Variants in TRPM2 observed in about 807,000 individuals in gnomAD.
The protein encoded by TRPM2 is transient receptor potential cation channel subfamily M member 2, also known as estrogen-responsive element-associated gene 1 protein.
Under a neutral mutation model 174.0 loss-of-function variants are expected in TRPM2, and 161 were observed. The ratio of observed to expected loss-of-function variants is 0.93; its 90% CI spans 0.81 to 1.05. The LOEUF (loss-of-function observed/expected upper bound fraction) is 1.05, where lower values mean the gene tolerates loss of function less well. TRPM2 is among the 50% of genes least tolerant of loss of function. The pLI is 0.00. For synonymous variants in TRPM2, 954 were observed against 861.3 expected, an observed-to-expected ratio of 1.11 and a Z score of -1.88; for missense variants, 2,057 against 2,038.0, an observed-to-expected ratio of 1.01 and a Z score of -0.18.
At chr21:44,352,165 G>A (rs1388705226), upstream of TRPM2, among the ~76,000 whole-genome samples, 3 of 152,256 alleles carry the variant, frequency 2.0e-5, no homozygotes, top group Non-Finnish European at 2.9e-5. Flanking sequence ...TTGTGAAGCC[G>A]GGCCAGTGGC....
At position 44,401,843 on chromosome 21, in the gene TRPM2, C is replaced by G; in HGVS notation, c.2484C>G (p.Cys828Trp). ...ACTTCCAGCCTGTGCCCTCCTGGTGCGAGTGTGCCATCTACCTCTGGCTCT... is the reference window on the plus strand; with the variant it reads ...ACTTCCAGCCTGTGCCCTCCTGGTGGGAGTGTGCCATCTACCTCTGGCTCT... Reference protein sequence around the residue: ...MVDFQPVPSWCECAIYLWLFS... With the variant: ...MVDFQPVPSWWECAIYLWLFS... The change falls in exon 16 of 32, where the codon TGC (cysteine) becomes TGG (tryptophan). Residue 828 changes from cysteine to tryptophan, a missense_variant. Physicochemically the swap from Cys to Trp is radical, Grantham distance 215. Coordinates refer to ENST00000397928, the MANE Select transcript of TRPM2 (RefSeq NM_003307.4). 1 of 1,613,908 alleles carries G rather than the reference C, an allele frequency of 6.2e-7. No individual in the cohort carries two copies. The highest frequency in any genetic ancestry group is 8.5e-7 in the Non-Finnish European group (1 of 1,180,006).
At chr21:44,364,346 G>A (rs1385942152) in intron 3 of TRPM2, 64 bp downstream of exon 3, 52 of 1,571,084 alleles carry the variant, frequency 3.3e-5, no homozygotes, top group South Asian at 7.0e-5. Context: ...AGTGACACGC[G>A]GTGGTCGGCA....
In TRPM2 at chr21:44,391,485, G is replaced by A. The variant is rs372273456; in HGVS notation, c.1654G>A (p.Ala552Thr). The A allele has an allele frequency of 1.3e-5, 20 of 1,590,220 alleles. No individual in the cohort carries two copies. Among genetic ancestry groups the A allele is most frequent in the South Asian group, 6.7e-5 (6 of 89,726 alleles). ...TCCCGAGCGCCCGGCTTGCGCGCCC[G>A]CGGCGCCCCGCCTGCAGATGCACCA... ...EDPERPACAP[A>T]APRLQMHHVA... is the part of the protein sequence containing the mutation. Residue 552 changes from alanine (A) to threonine (T), a missense_variant, in exon 11 of 32, where the codon GCG (alanine) becomes ACG (threonine). Physicochemically the swap from Ala to Thr is moderately conservative, Grantham distance 58 (BLOSUM62 0). Transcript: ENST00000397928. This position sits in a 1 kb window ranked among gnomAD's most constrained non-coding sequence, Gnocchi z 5.0.
intron 8 of TRPM2, among the ~76,000 whole-genome samples, chr21:44,380,324 A>T (rs1450061492): frequency 6.6e-6 from 1 of 152,104 alleles, no homozygotes; most frequent in Non-Finnish European, 1.5e-5. Flanking sequence ...GTTTGTGAAA[A>T]CATCGTGGTC....
intron 29 of TRPM2, among the ~76,000 whole-genome samples, chr21:44,437,429 G>A (rs988782915): frequency 6.6e-5 from 10 of 152,196 alleles, no homozygotes; most frequent in African/African-American, 2.4e-4. Flanking sequence ...TCCCAGGCAT[G>A]GGCTGGGCTG....
Position 44,424,839 on chromosome 21 carries a change from C to G in TRPM2, c.3550-13C>G, listed in dbSNP as rs774897527. ...TGGCAGGTGCTCACTGTGTCTCGGGCCATGCCTTCCAGGTGGCCCAGACAG... is the reference window on the plus strand; with the variant it reads ...TGGCAGGTGCTCACTGTGTCTCGGGGCATGCCTTCCAGGTGGCCCAGACAG... On this transcript the variant is annotated splice_polypyrimidine_tract_variant and intron_variant, in intron 23 of 31. Coordinates refer to ENST00000397928, the MANE Select transcript of TRPM2 (RefSeq NM_003307.4). 1.4e-5 allele frequency: 22 copies of G among 1,573,898 alleles called. No homozygotes were observed. Among genetic ancestry groups the G allele is most frequent in the Non-Finnish European group, 1.8e-5 (21 of 1,158,682 alleles).
chr21:44,398,010 C>A, intron 13 of TRPM2, 134 bp downstream of exon 13: 1 of 1,142,490 alleles, frequency 8.8e-7, no homozygotes, highest in South Asian at 2.6e-5. Context: ...GCCCTGCACG[C>A]TTACCCTGGG....
intron 11 of TRPM2, among the ~76,000 whole-genome samples, chr21:44,394,541 G>T (rs546960534): frequency 6.6e-6 from 1 of 151,306 alleles, no homozygotes; most frequent in African/African-American, 2.4e-5. Context: ...GGATGGTCTC[G>T]ATCTCCTGAC....
At position 44,405,211 on chromosome 21, in the gene TRPM2, A is replaced by G; in HGVS notation, c.2608A>G (p.Lys870Glu). ...AALYFSDFWN[K>E]LDVGAILLFV... The stretch of plus-strand genomic sequence containing the variant: ...CTTGTACTTCAGTGACTTCTGGAAT[A>G]AGCTGGACGTCGGCGCAATCTTGCT... The change falls in exon 17 of 32, where the codon AAG (lysine) becomes GAG (glutamate). Residue 870 changes from lysine (K) to glutamate (E), a missense_variant. Coordinates refer to ENST00000397928, the MANE Select transcript of TRPM2 (RefSeq NM_003307.4). 6.2e-7 allele frequency: 1 copy of G among 1,613,472 alleles called. No homozygotes were observed. The highest frequency in any genetic ancestry group is 1.3e-5 in the African/African-American group (1 of 75,046).
At chr21:44,418,331 C>T (rs2050388304) in intron 21 of TRPM2, 92 bp from the exon 22 acceptor site, 1 of 1,542,774 alleles carries the variant, frequency 6.5e-7, no homozygotes, top group South Asian at 1.2e-5. Context: ...CAGGACTGGC[C>T]CCCTCCCACG....
intron 25 of TRPM2, among the ~76,000 whole-genome samples, chr21:44,426,122 C>T (rs983736245): frequency 1.3e-5 from 2 of 151,670 alleles, no homozygotes; most frequent in Non-Finnish European, 2.9e-5. Flanking sequence ...AGCCCCCCGG[C>T]CCCATTCCCC....
intron 2 of TRPM2, among the ~76,000 whole-genome samples, chr21:44,363,862 A>C (rs2048283762): frequency 6.6e-6 from 1 of 152,142 alleles, no homozygotes. Context: ...CAAAGGGTGA[A>C]GTCTAAGCCC....
At chr21:44,426,905 G>A in intron 26 of TRPM2, 105 bp from the exon 27 acceptor site, 2 of 1,349,372 alleles carry the variant, frequency 1.5e-6, no homozygotes, top group East Asian at 2.5e-5. Flanking sequence ...CACCCAGCCT[G>A]CAGCTACTCG....
At chr21:44,368,808 T>G (rs899158799) in intron 4 of TRPM2, among the ~76,000 whole-genome samples, 1 of 152,090 alleles carries the variant, frequency 6.6e-6, no homozygotes, top group African/African-American at 2.4e-5. Context: ...GCATCCTTCC[T>G]AGGGACCAGG....
rs554604532 is a variant in TRPM2 at position 44,437,181 on chromosome 21, G to T, written c.4167+14G>T. 1.9e-6 allele frequency: 3 copies of T among 1,548,432 alleles called. No homozygotes were observed. Among genetic ancestry groups the T allele is most frequent in the African/African-American group, 1.4e-5 (1 of 73,098 alleles). ...GCCCTGCCTGGGGTAAGGCTGCCGC[G>T]TGTGGGACCTCTGTCCACTGGGCTG... On this transcript the variant is annotated intron_variant, in intron 29 of 31. Transcript: ENST00000397928.
At position 44,353,707 on chromosome 21, in the gene TRPM2, C is replaced by G. The variant is rs200720234; in HGVS notation, c.7C>G (p.Pro3Ala). The G allele has an allele frequency of 2.2e-4, 334 of 1,510,700 alleles. No individual in the cohort carries two copies. Among genetic ancestry groups the G allele is most frequent in the Non-Finnish European group, 2.8e-4 (318 of 1,133,872 alleles). 93.6% of individuals were successfully genotyped at this position (1,510,700 alleles called of 1,614,324 possible). A position where few individuals can be genotyped will look rare whatever the true frequency, so the allele number is the denominator to read the frequency against. Residue 3 changes from proline (P) to alanine (A), a missense_variant, in exon 1 of 32, where the codon CCC becomes GCC. Transcript: ENST00000397928. ME[P>A]SALRKAGSEQ... ...CTGGCGTGGGGGTCTCAGAATGGAG[C>G]CCTCAGCCCTGAGGAAAGCTGGCTC...
At chr21:44,417,133 C>CTG (rs201958794) in intron 20 of TRPM2, among the ~76,000 whole-genome samples, 2 of 124,722 alleles carry the variant, frequency 1.6e-5, no homozygotes, top group East Asian at 2.6e-4. Context: ...GCTCTGCTCT[C>CTG]TGGCATCACA....
Position 44,438,871 on chromosome 21 carries a change from G to A in TRPM2, c.4168-196G>A, listed in dbSNP as rs1003172394. Among the ~76,000 whole-genome samples the A allele has an allele frequency of 2.0e-5, 3 of 152,190 alleles. No homozygotes were observed. The highest frequency in any genetic ancestry group is 4.4e-5 in the Non-Finnish European group (3 of 68,028). ...GCCCAGTGCCCCCTGCTCGGGCCAC[G>A]GCAGGCCTCACAGATGCTGACGTGG... On this transcript the variant is annotated intron_variant, in intron 29 of 31. Transcript: ENST00000397928. This position sits in a 1 kb window ranked among gnomAD's most constrained non-coding sequence, Gnocchi z 5.9.
Position 44,397,804 on chromosome 21 carries a change from A to AAGG in TRPM2, c.2001_2003dup (p.Glu667dup). Reference sequence around the variant, plus strand: ...CAGCAAGATCCTGAAGGAACTGTCCAAGGAGGAGGAGGACACGGACAGCTC... The same window carrying AAGG: ...CAGCAAGATCCTGAAGGAACTGTCCAAGGAGGAGGAGGAGGACACGGACAGCTC... On this transcript the variant is annotated inframe_insertion, in exon 13 of 32. Transcript: ENST00000397928. 1 of 1,607,352 alleles carries AAGG rather than the reference A, an allele frequency of 6.2e-7. No individual in the cohort carries two copies. Among genetic ancestry groups the AAGG allele is most frequent in the Non-Finnish European group, 8.5e-7 (1 of 1,177,210 alleles).
Sources: gnomAD v4.1 joint callset for allele counts (sites outside exome capture counted in the v4.1 genomes callset) on GRCh38, gnomAD v4.1.1 for gene constraint, Gnocchi (gnomAD v3.1) non-coding constraint, MANE v1.5 for transcripts, NCBI Gene and HGNC (gene_info 2026-07-23, HGNC 2026-07-21) for gene names.